The following CEP41 variants were observed in gnomAD, a reference collection of about 807,000 sequenced individuals.
The protein encoded by CEP41 is centrosomal protein 41.
CEP41 carries 32 observed loss-of-function variants against 44.3 expected under a neutral mutation model. The ratio of observed to expected loss-of-function variants is 0.72; its 90% CI spans 0.54 to 0.97. CEP41 has a LOEUF of 0.97. Ranked by LOEUF, CEP41 falls within the 50% of genes least tolerant of loss-of-function variation. CEP41 has a pLI of 0.00. For missense variants in CEP41, 432 were observed against 455.2 expected, an observed-to-expected ratio of 0.95 and a Z score of 0.46; for synonymous variants, 151 against 168.5, an observed-to-expected ratio of 0.90 and a Z score of 0.80.
Position 130,396,195 on chromosome 7 carries a change from T to C in CEP41, c.*2696A>G, listed in dbSNP as rs1562972511. On this transcript the variant is annotated 3_prime_UTR_variant, in exon 11 of 11. Transcript: ENST00000223208. ...ATCACTGCTGTTCAGGGTGCTGTAG[T>C]TGTACATCGATGAAGCACCTTCTGT... 1 of 454,088 alleles carries C rather than the reference T, an allele frequency of 2.2e-6. No individual in the cohort carries two copies. Among genetic ancestry groups the C allele is most frequent in the East Asian group, 6.9e-5 (1 of 14,394 alleles). The allele number at this position is 454,088 out of a possible 1,614,324, so 28.1% of individuals were successfully genotyped here.
chr7:130,425,704 TGTTTATAGCACTTATACTTTAATAGCCA>T (rs1251133267), intron 2 of CEP41, among the ~76,000 whole-genome samples: 3 of 152,236 alleles, frequency 2.0e-5, no homozygotes, highest in Non-Finnish European at 2.9e-5. Flanking sequence ...TGTGCATAAG[TGTTTATAGCACTTATACTTTAATAGCCA>T]AAAAGTGGAA....
chr7:130,437,011 C>T (rs756324928), intron 1 of CEP41, among the ~76,000 whole-genome samples: 6 of 152,136 alleles, frequency 3.9e-5, no homozygotes, highest in East Asian at 3.9e-4. Flanking sequence ...TGCACTCCAG[C>T]CTGGGCAACA....
intron 10 of CEP41, 24 bp downstream of exon 10, chr7:130,400,014 AT>A: frequency 2.0e-6 from 3 of 1,472,812 alleles, no homozygotes; most frequent in Non-Finnish European, 2.8e-6. Flanking sequence ...ACCAAACATT[AT>A]CTTTAAAGGT....
At chr7:130,412,272 A>G (rs374260683) in intron 3 of CEP41, 32 bp from the exon 4 acceptor site, 6 of 1,199,656 alleles carry the variant, frequency 5.0e-6, no homozygotes, top group South Asian at 1.2e-5. Flanking sequence ...GTATTTATCT[A>G]TTTTGCTTTT....
intron 1 of CEP41, among the ~76,000 whole-genome samples, chr7:130,431,119 G>A (rs1046878369): frequency 6.8e-6 from 1 of 146,188 alleles, no homozygotes; most frequent in South Asian, 2.2e-4. Flanking sequence ...AGTACCAACC[G>A]CAATGTAAAA....
intron 6 of CEP41, among the ~76,000 whole-genome samples, chr7:130,404,089 A>G (rs148918303): frequency 7.7e-4 from 118 of 152,328 alleles, no homozygotes; most frequent in African/African-American, 2.7e-3. Context: ...GAAAAATAAA[A>G]TAAAAAGAAG....
chr7:130,415,343 A>C (rs1797302714), intron 3 of CEP41, among the ~76,000 whole-genome samples: 2 of 152,214 alleles, frequency 1.3e-5, no homozygotes. Context: ...CTTACAACAG[A>C]AAATGGGGAA....
chr7:130,404,411 TATAAAG>T (rs1369419142), intron 6 of CEP41, among the ~76,000 whole-genome samples, 147 bp downstream of exon 6: 3 of 152,104 alleles, frequency 2.0e-5, no homozygotes, highest in East Asian at 1.9e-4. Flanking sequence ...GTAGCATTTA[TATAAAG>T]ATAAAGTAGA....
At chr7:130,436,577 C>T (rs1029384770) in intron 1 of CEP41, among the ~76,000 whole-genome samples, 1 of 151,456 alleles carries the variant, frequency 6.6e-6, no homozygotes, top group South Asian at 2.1e-4. Flanking sequence ...TGATACTGTA[C>T]TGTACTCATG....
chr7:130,406,822 G>A (rs895332682), intron 5 of CEP41, among the ~76,000 whole-genome samples: 12 of 151,542 alleles, frequency 7.9e-5, no homozygotes, highest in African/African-American at 1.5e-4. Context: ...TATACTCTCC[G>A]GTGGGGGGAC....
At chr7:130,440,754 G>A (rs1338100176) in intron 1 of CEP41, 180 bp downstream of exon 1, 2 of 707,270 alleles carry the variant, frequency 2.8e-6, no homozygotes, top group African/African-American at 3.6e-5. Context: ...ACGGGGTCCT[G>A]AACGCTGCCC....
chr7:130,440,279 A>G (rs1274203373), intron 1 of CEP41, among the ~76,000 whole-genome samples: 1 of 152,130 alleles, frequency 6.6e-6, no homozygotes, highest in African/African-American at 2.4e-5. Context: ...TCGGCCTCCC[A>G]AAGTGCTGGG....
intron 1 of CEP41, among the ~76,000 whole-genome samples, chr7:130,434,222 A>G (rs782705481): frequency 7.2e-5 from 11 of 152,270 alleles, no homozygotes; most frequent in Non-Finnish European, 1.5e-4. Flanking sequence ...TTACTATATC[A>G]TCAGGCACTA....
rs782042321 is a variant in CEP41, at chr7:130,398,913, A to C, written c.1100T>G (p.Leu367Arg). The change falls in exon 11 of 11, where the codon CTG becomes CGG. Residue 367 changes from leucine to arginine, a missense_variant. Physicochemically the swap from Leu to Arg is moderately radical, Grantham distance 102. Coordinates refer to ENST00000223208, the MANE Select transcript of CEP41 (RefSeq NM_018718.3). Reference protein sequence around the residue: ...SNPRSLSSGHLQGKPWK With the variant: ...SNPRSLSSGHRQGKPWK ...TCTTTACTTCCAGGGTTTGCCTTGC[A>C]GGTGACCACTGCTGAGGGAGCGGGG... 6.2e-7 allele frequency: 1 copy of C among 1,614,246 alleles called. No individual in the cohort carries two copies.
chr7:130,417,365 G>C, intron 2 of CEP41: 2 of 1,093,314 alleles, frequency 1.8e-6, no homozygotes, highest in Non-Finnish European at 2.2e-6. Context: ...AGTGTTCTTT[G>C]AGTGTCTAAA....
chr7:130,416,022 C>T (rs1438337050), intron 3 of CEP41, among the ~76,000 whole-genome samples: 1 of 152,020 alleles, frequency 6.6e-6, no homozygotes, highest in African/African-American at 2.4e-5. Flanking sequence ...TTGGGGTTTC[C>T]CAATATTGCA....
intron 1 of CEP41, among the ~76,000 whole-genome samples, chr7:130,428,503 T>A (rs569728955): frequency 6.6e-6 from 1 of 151,696 alleles, no homozygotes; most frequent in East Asian, 1.9e-4. Context: ...TAGGATTCTT[T>A]TCAACAGCAT....
At position 130,396,019 on chromosome 7, in the gene CEP41, T is replaced by C. The variant is rs559206347; in HGVS notation, c.*2872A>G. 170 of 454,098 alleles carry C rather than the reference T, an allele frequency of 3.7e-4. 2 individuals are homozygous for C. Among genetic ancestry groups the C allele is most frequent in the South Asian group, 2.3e-3 (146 of 64,470 alleles). The allele number at this position is 454,098 out of a possible 1,614,324, so 28.1% of individuals were successfully genotyped here. On this transcript the variant is annotated 3_prime_UTR_variant, in exon 11 of 11. Coordinates refer to ENST00000223208, the MANE Select transcript of CEP41 (RefSeq NM_018718.3). Reference sequence around the variant, plus strand: ...TCAAATAAGTAATGTAGCTTTCTCCTTTCTCTCTCGCTTTCTGCTTCTTTT... The same window carrying C: ...TCAAATAAGTAATGTAGCTTTCTCCCTTCTCTCTCGCTTTCTGCTTCTTTT...
At chr7:130,408,010 C>T (rs537571464) in intron 5 of CEP41, among the ~76,000 whole-genome samples, 4 of 152,070 alleles carry the variant, frequency 2.6e-5, no homozygotes, top group African/African-American at 4.8e-5. Flanking sequence ...ATCATGTGCA[C>T]GAGGTAAAAA....
Sources: allele counts gnomAD v4.1 joint callset (sites outside exome capture counted in the v4.1 genomes callset), GRCh38; gene constraint gnomAD v4.1.1; transcripts MANE v1.5; gene names NCBI Gene and HGNC (gene_info 2026-07-23, HGNC 2026-07-21).